RSRC1: variants seen among roughly 807,000 people sequenced by gnomAD.
RSRC1 encodes serine/Arginine-related protein 53.
RSRC1 carries 39 observed loss-of-function variants against 49.1 expected under a neutral mutation model. That is an observed-to-expected ratio of 0.79 (90% CI 0.61 to 1.04). The LOEUF (loss-of-function observed/expected upper bound fraction) is 1.04, where lower values mean the gene tolerates loss of function less well. Among genes scored for constraint, RSRC1 ranks in the 50% least tolerant of loss-of-function variants. RSRC1 has a pLI of 0.00. For synonymous variants in RSRC1, 143 were observed against 130.8 expected (o/e 1.09, Z -0.63); for missense variants, 388 against 402.4 (o/e 0.96, Z 0.31).
At chr3:158,197,552 G>T (rs537728609) in intron 3 of RSRC1, among the ~76,000 whole-genome samples, 1 of 152,162 alleles carries the variant, frequency 6.6e-6, no homozygotes, top group Admixed American at 6.5e-5. Context: ...GCTTTTGAAT[G>T]TGTTTGCTCT....
rs867778715 is a variant in RSRC1, at chr3:158,529,220, A to G, written c.653-7872A>G. Among the ~76,000 whole-genome samples the G allele has an allele frequency of 5.1e-3, 762 of 149,024 alleles. 1 individual carries two copies. The highest frequency in any genetic ancestry group is 0.018 in the African/African-American group (715 of 40,578). ...TATATATGTATGTGTGTGTGTATAT[A>G]TATATATATATATATCCTACAAATA... On this transcript the variant is annotated intron_variant, in intron 7 of 9. Coordinates refer to ENST00000611884, the MANE Select transcript of RSRC1 (RefSeq NM_001271838.2).
At chr3:158,323,909 T>C (rs1728909679) in intron 5 of RSRC1, among the ~76,000 whole-genome samples, 1 of 151,660 alleles carries the variant, frequency 6.6e-6, no homozygotes, top group African/African-American at 2.4e-5. Context: ...CTTCACATCT[T>C]TATTCTGTGC....
At chr3:158,375,159 GTTATTATTATTATTA>G (rs60589390) in intron 6 of RSRC1, among the ~76,000 whole-genome samples, 40,702 of 145,096 alleles carry the variant, frequency 0.28, 5,859 homozygotes, top group African/African-American at 0.3. Flanking sequence ...GACTTAGCAA[GTTATTATTATTATTA>G]TTATTATTAT....
chr3:158,486,584 A>G (rs1437888592), intron 7 of RSRC1, among the ~76,000 whole-genome samples: 1 of 152,126 alleles, frequency 6.6e-6, no homozygotes, highest in African/African-American at 2.4e-5. Flanking sequence ...GAATTGGGGA[A>G]TGCCTTGAGG....
chr3:158,172,116 CAAG>C (rs1476688639), intron 3 of RSRC1, among the ~76,000 whole-genome samples: 1 of 151,816 alleles, frequency 6.6e-6, no homozygotes, highest in Non-Finnish European at 1.5e-5. Context: ...AGTTTCAGAA[CAAG>C]AAAAGAGAGA....
intron 7 of RSRC1, among the ~76,000 whole-genome samples, chr3:158,497,656 C>A (rs1405279793): frequency 6.6e-6 from 1 of 151,984 alleles, no homozygotes; most frequent in African/African-American, 2.4e-5. Context: ...AGGATGACCT[C>A]GATCTCTTGA....
rs186287593 is a variant in RSRC1, at chr3:158,262,166, G to C, written c.495-35873G>C. 2.0e-3 allele frequency among the ~76,000 whole-genome samples: 303 copies of C among 152,046 alleles called. 4 individuals carry two copies. The highest frequency in any genetic ancestry group is 0.019 in the Admixed American group (290 of 15,276). On this transcript the variant is annotated intron_variant, in intron 4 of 9. Transcript: ENST00000611884. ...TAGTTTATTTCTTTGTTCTTTTATA[G>C]GTCATGTGTTTCGTGTTGATCTAAG...
At chr3:158,281,266 T>C (rs1726149857) in intron 4 of RSRC1, among the ~76,000 whole-genome samples, 1 of 152,014 alleles carries the variant, frequency 6.6e-6, no homozygotes, top group South Asian at 2.1e-4. Context: ...TAGGAAATAC[T>C]GAAAAGGATC....
At chr3:158,492,201 G>A (rs1286530277) in intron 7 of RSRC1, among the ~76,000 whole-genome samples, 1 of 152,086 alleles carries the variant, frequency 6.6e-6, no homozygotes, top group African/African-American at 2.4e-5. Context: ...AACAGCATGG[G>A]GGAATCCACC....
At position 158,513,342 on chromosome 3, in the gene RSRC1, T is replaced by C. The variant is rs1740295730; in HGVS notation, c.653-23750T>C. On this transcript the variant is annotated intron_variant, in intron 7 of 9. Transcript: ENST00000611884. ...TAGCATGAAGGGTTGTTGAATTTTG[T>C]CAAAGGCCTTTTCTGCATCTATTGA... 2.0e-5 allele frequency among the ~76,000 whole-genome samples: 3 copies of C among 152,198 alleles called. No individual in the cohort carries two copies. The South Asian group carries it at 6.2e-4, about 32-fold the overall frequency.
rs1718305520 is a variant in RSRC1 at position 158,162,723 on chromosome 3, C to CGTTATTGTT, written c.320+38733_320+38741dup. Among the ~76,000 whole-genome samples, 2 of 152,108 alleles carry CGTTATTGTT rather than the reference C, an allele frequency of 1.3e-5. 1 individual carries two copies. The highest frequency in any genetic ancestry group is 4.8e-5 in the African/African-American group (2 of 41,484). On this transcript the variant is annotated intron_variant, in intron 3 of 9. Transcript: ENST00000611884. ...ACATATTCTGAGGGGCTGATATCAGCGTTATTGTTTTGCTATTAGTCAGGT... is the reference window on the plus strand; with the variant it reads ...ACATATTCTGAGGGGCTGATATCAGCGTTATTGTTGTTATTGTTTTGCTATTAGTCAGGT...
At chr3:158,253,362 C>G (rs1378699694) in intron 4 of RSRC1, among the ~76,000 whole-genome samples, 1 of 151,904 alleles carries the variant, frequency 6.6e-6, no homozygotes, top group African/African-American at 2.4e-5. Context: ...ATCTAATTTC[C>G]ATGGTTTGTA....
Position 158,320,927 on chromosome 3 carries a change from G to A in RSRC1, c.531+22852G>A, listed in dbSNP as rs568410582. ...ATGCATCAGAATCCATAGTTCAAATGAATGGGATTTGGCAAGCTACTTTAG... is the reference window on the plus strand; with the variant it reads ...ATGCATCAGAATCCATAGTTCAAATAAATGGGATTTGGCAAGCTACTTTAG... On this transcript the variant is annotated intron_variant, in intron 5 of 9. Coordinates refer to ENST00000611884, the MANE Select transcript of RSRC1 (RefSeq NM_001271838.2). 4.6e-5 allele frequency among the ~76,000 whole-genome samples: 7 copies of A among 152,272 alleles called. No individual in the cohort carries two copies. The South Asian group carries it at 1.5e-3, about 32-fold the overall frequency.
intron 6 of RSRC1, among the ~76,000 whole-genome samples, chr3:158,453,443 G>A (rs927199640): frequency 6.6e-6 from 1 of 151,008 alleles, no homozygotes; most frequent in African/African-American, 2.4e-5. Flanking sequence ...TGCAGTTTTG[G>A]GATTCTAGCT....
rs147552432 is a variant in RSRC1 at position 158,235,164 on chromosome 3, T to C, written c.494+31919T>C. ...CCATTCTGAGTGTCACTATGATGCA[T>C]AGAGTTGTTTTTATTTAGTTTTTAA... On this transcript the variant is annotated intron_variant, in intron 4 of 9. Transcript: ENST00000611884. 1.7e-3 allele frequency among the ~76,000 whole-genome samples: 252 copies of C among 152,230 alleles called. 4 individuals are homozygous for C. The highest frequency in any genetic ancestry group is 5.8e-3 in the African/African-American group (243 of 41,548).
chr3:158,265,958 T>G (rs1725150223), intron 4 of RSRC1, among the ~76,000 whole-genome samples: 1 of 152,174 alleles, frequency 6.6e-6, no homozygotes, highest in African/African-American at 2.4e-5. Context: ...GCCATGTTGA[T>G]TGAATTCCCA....
Position 158,126,279 on chromosome 3 carries a change from G to A in RSRC1, c.320+2288G>A, listed in dbSNP as rs1227968250. ...TTTGTTGATTGTTTTCTGCCTTATA[G>A]CTATTTTGTCTCTCATGTCTCCTGC... On this transcript the variant is annotated intron_variant, in intron 3 of 9. Coordinates refer to ENST00000611884, the MANE Select transcript of RSRC1 (RefSeq NM_001271838.2). Among the ~76,000 whole-genome samples the A allele has an allele frequency of 7.2e-5, 11 of 152,004 alleles. No homozygotes were observed. In the South Asian group the frequency reaches 1.7e-3, roughly 23 times the overall value.
chr3:158,289,336 A>G (rs755427991), intron 4 of RSRC1, among the ~76,000 whole-genome samples: 39 of 152,198 alleles, frequency 2.6e-4, no homozygotes, highest in Non-Finnish European at 5.3e-4. Context: ...TTAAGTGTTC[A>G]GCTTCCCATT....
At chr3:158,386,557 A>G (rs1177080532) in intron 6 of RSRC1, among the ~76,000 whole-genome samples, 3 of 152,088 alleles carry the variant, frequency 2.0e-5, no homozygotes, top group African/African-American at 7.2e-5. Flanking sequence ...GCTATATTAT[A>G]TGACCAACAC....
Sources: gnomAD v4.1 joint callset for allele counts (sites outside exome capture counted in the v4.1 genomes callset) on GRCh38, gnomAD v4.1.1 for gene constraint, MANE v1.5 for transcripts, NCBI Gene and HGNC (gene_info 2026-07-23, HGNC 2026-07-21) for gene names.